The following CDKAL1 variants were observed in gnomAD, a reference collection of about 807,000 sequenced individuals.
CDKAL1 encodes the protein threonylcarbamoyladenosine tRNA methylthiotransferase.
In CDKAL1, 32 loss-of-function variants were observed where a neutral mutation model predicts 68.2. The ratio of observed to expected loss-of-function variants is 0.47; its 90% CI spans 0.35 to 0.63. The LOEUF (loss-of-function observed/expected upper bound fraction) is 0.63. Ranked by LOEUF, CDKAL1 falls within the 30% of genes least tolerant of loss-of-function variation. CDKAL1 has a pLI of 0.00. For synonymous variants in CDKAL1, 234 were observed against 244.3 expected, an observed-to-expected ratio of 0.96 and a Z score of 0.39; for missense variants, 606 against 696.7, an observed-to-expected ratio of 0.87 and a Z score of 1.47.
chr6:20,650,912 T>C (rs1466539893), intron 5 of CDKAL1, among the ~76,000 whole-genome samples: 1 of 152,194 alleles, frequency 6.6e-6, no homozygotes, highest in African/African-American at 2.4e-5. Flanking sequence ...CCTTGGTCTA[T>C]GTATCTGTTT....
intron 4 of CDKAL1, among the ~76,000 whole-genome samples, chr6:20,612,997 A>G (rs1452371943): frequency 9.3e-5 from 1 of 10,712 alleles, no homozygotes; most frequent in Non-Finnish European, 1.8e-4. Flanking sequence ...TTCTACACAC[A>G]CACACACACA....
intron 15 of CDKAL1, among the ~76,000 whole-genome samples, chr6:21,227,759 G>A (rs545208803): frequency 3.3e-5 from 5 of 152,212 alleles, no homozygotes; most frequent in Admixed American, 6.5e-5. Context: ...AAGGATGCCC[G>A]AGGAAGAATG....
At chr6:20,960,308 G>T (rs1259717233) in intron 10 of CDKAL1, among the ~76,000 whole-genome samples, 1 of 152,162 alleles carries the variant, frequency 6.6e-6, no homozygotes, top group Admixed American at 6.5e-5. Context: ...TAATTGAGAA[G>T]CCATGGGTTC....
chr6:21,085,587 T>C (rs1183553577), intron 12 of CDKAL1, among the ~76,000 whole-genome samples: 4 of 152,152 alleles, frequency 2.6e-5, no homozygotes, highest in Non-Finnish European at 4.4e-5. Context: ...ATGAAAGATA[T>C]TGGGAGTGAG....
intron 13 of CDKAL1, among the ~76,000 whole-genome samples, chr6:21,196,831 T>C (rs372813306): frequency 4.4e-4 from 67 of 152,280 alleles, no homozygotes; most frequent in African/African-American, 1.5e-3. Flanking sequence ...TACAGTTGTT[T>C]TGCTGTATCA....
chr6:20,653,018 C>G (rs1768845289), intron 5 of CDKAL1, among the ~76,000 whole-genome samples: 1 of 152,102 alleles, frequency 6.6e-6, no homozygotes. Context: ...TGTTTGTGTT[C>G]TTCTGAGATT....
At chr6:20,874,493 ATTTATTTG>A (rs997091066) in intron 9 of CDKAL1, among the ~76,000 whole-genome samples, 9 of 150,888 alleles carry the variant, frequency 6.0e-5, no homozygotes, top group African/African-American at 2.2e-4. Flanking sequence ...TTTTTATTTT[ATTTATTTG>A]TTTGTTTGTT....
chr6:21,094,690 T>C (rs1198993633), intron 12 of CDKAL1, among the ~76,000 whole-genome samples: 1 of 152,206 alleles, frequency 6.6e-6, no homozygotes, highest in Non-Finnish European at 1.5e-5. Flanking sequence ...TCTTGGTTGT[T>C]AGTGATAGAA....
At chr6:20,545,190 C>T (rs1186836013) in intron 2 of CDKAL1, among the ~76,000 whole-genome samples, 1 of 151,764 alleles carries the variant, frequency 6.6e-6, no homozygotes, top group African/African-American at 2.4e-5. Context: ...TCATCATATT[C>T]CTTGGGTCCT....
intron 9 of CDKAL1, among the ~76,000 whole-genome samples, chr6:20,952,516 G>A (rs1180586797): frequency 6.6e-6 from 1 of 152,178 alleles, no homozygotes; most frequent in Non-Finnish European, 1.5e-5. Context: ...CCAGTTTAAT[G>A]GTGAATCCAT....
At chr6:21,213,824 T>C (rs1412917413) in intron 15 of CDKAL1, among the ~76,000 whole-genome samples, 1 of 152,200 alleles carries the variant, frequency 6.6e-6, no homozygotes, top group Non-Finnish European at 1.5e-5. Context: ...ACTCAGAGCA[T>C]TCCGTATATA....
At chr6:21,125,344 G>A (rs1413294901) in intron 13 of CDKAL1, among the ~76,000 whole-genome samples, 1 of 152,034 alleles carries the variant, frequency 6.6e-6, no homozygotes, top group African/African-American at 2.4e-5. Flanking sequence ...GTTCCCTGAG[G>A]CCTCCCCAGC....
chr6:20,680,093 G>A (rs1404491847), intron 5 of CDKAL1, among the ~76,000 whole-genome samples: 4 of 151,038 alleles, frequency 2.6e-5, no homozygotes, highest in South Asian at 2.1e-4. Context: ...TCTGAGACAA[G>A]CTCTTGCTCT....
At chr6:20,576,656 C>G (rs1313429139) in intron 4 of CDKAL1, among the ~76,000 whole-genome samples, 2 of 152,162 alleles carry the variant, frequency 1.3e-5, no homozygotes, top group African/African-American at 4.8e-5. Context: ...TGCTTAGCGC[C>G]TTCTGTTTCC....
At chr6:20,801,365 A>T (rs1295273574) in intron 8 of CDKAL1, among the ~76,000 whole-genome samples, 2 of 152,268 alleles carry the variant, frequency 1.3e-5, no homozygotes, top group African/African-American at 2.4e-5. Context: ...AAAAATTTCA[A>T]ATGGACAGCA....
At chr6:20,924,223 A>G (rs1201396970) in intron 9 of CDKAL1, among the ~76,000 whole-genome samples, 3 of 150,612 alleles carry the variant, frequency 2.0e-5, no homozygotes, top group Non-Finnish European at 4.4e-5. Flanking sequence ...AGAGTTAGCC[A>G]GGTGTGGTGG....
intron 8 of CDKAL1, among the ~76,000 whole-genome samples, chr6:20,797,131 G>A (rs1776140339): frequency 6.6e-6 from 1 of 152,134 alleles, no homozygotes; most frequent in African/African-American, 2.4e-5. Context: ...CACATACACA[G>A]CATAGGACTT....
intron 7 of CDKAL1, among the ~76,000 whole-genome samples, chr6:20,763,134 A>G (rs944240725): frequency 6.6e-6 from 1 of 152,152 alleles, no homozygotes; most frequent in African/African-American, 2.4e-5. Context: ...GATTCTTGCC[A>G]TCTTATGTCC....
intron 9 of CDKAL1, among the ~76,000 whole-genome samples, chr6:20,953,688 G>A (rs7749498): frequency 0.91 from 138,869 of 152,288 alleles, 63,444 homozygotes; most frequent in East Asian, 1. Context: ...GATTTATTCC[G>A]TGTACAGAGA....
Sources: allele counts gnomAD v4.1 joint callset (sites outside exome capture counted in the v4.1 genomes callset), GRCh38; gene constraint gnomAD v4.1.1; transcripts MANE v1.5; gene names NCBI Gene and HGNC (gene_info 2026-07-23, HGNC 2026-07-21).